EIPR1: variants seen among roughly 807,000 people sequenced by gnomAD.
The protein encoded by EIPR1 is EARP and GARP complex-interacting protein 1.
In EIPR1, 25 loss-of-function variants were observed where a neutral mutation model predicts 48.1. The ratio of observed to expected loss-of-function variants is 0.52; its 90% CI spans 0.38 to 0.73. The LOEUF is 0.73. Among genes scored for constraint, EIPR1 ranks in the 30% least tolerant of loss-of-function variants. The pLI, the probability that EIPR1 is intolerant of heterozygous loss-of-function variation, is 0.00. For synonymous variants in EIPR1, 204 were observed against 201.9 expected (o/e 1.01, Z -0.09); for missense variants, 415 against 506.2 (o/e 0.82, Z 1.73).
intron 3 of EIPR1, among the ~76,000 whole-genome samples, chr2:3,306,452 G>A (rs1668947552): frequency 6.6e-6 from 1 of 152,166 alleles, no homozygotes; most frequent in African/African-American, 2.4e-5. Flanking sequence ...ACAACACACA[G>A]TTTAGGGGCA....
intron 3 of EIPR1, among the ~76,000 whole-genome samples, chr2:3,295,451 C>A (rs1668534457): frequency 7.2e-6 from 1 of 138,350 alleles, no homozygotes; most frequent in African/African-American, 2.7e-5. Context: ...ACCCTCCATC[C>A]AGCCCATCCT....
chr2:3,301,461 G>T (rs1668760161), intron 3 of EIPR1: 1 of 151,976 alleles, frequency 6.6e-6, no homozygotes, highest in Non-Finnish European at 1.5e-5. Context: ...CCCTGTGCCT[G>T]CCAGGGGACA....
rs11692126 is a variant in EIPR1 at position 3,331,196 on chromosome 2, G to A, written c.259+6821C>T. Among the ~76,000 whole-genome samples the A allele has an allele frequency of 9.4e-3, 897 of 95,814 alleles. 249 individuals are homozygous for A. Among genetic ancestry groups the A allele is most frequent in the African/African-American group, 0.055 (862 of 15,634 alleles). 62.9% of individuals were successfully genotyped at this position (95,814 alleles called of 152,430 possible). On this transcript the variant is annotated intron_variant, in intron 3 of 8. Coordinates refer to ENST00000382125, the MANE Select transcript of EIPR1 (RefSeq NM_003310.5). ...AGGCAGGTGTACACTCATATGGTGT[G>A]AGCAGAGGCAGGTGTGTATACACTC...
At chr2:3,262,560 C>A (rs1667366455) in intron 3 of EIPR1, among the ~76,000 whole-genome samples, 1 of 152,220 alleles carries the variant, frequency 6.6e-6, no homozygotes, top group Non-Finnish European at 1.5e-5. Context: ...GCCAAGAGGG[C>A]ACTACAGCAA....
In EIPR1 at chr2:3,329,277, C is replaced by T. The variant is rs71279310; in HGVS notation, c.259+8740G>A. Among the ~76,000 whole-genome samples the T allele has an allele frequency of 3.0e-3, 371 of 124,494 alleles. 12 individuals carry two copies. Among genetic ancestry groups the T allele is most frequent in the Middle Eastern group, 4.4e-3 (1 of 226 alleles). 81.7% of individuals were successfully genotyped at this position (124,494 alleles called of 152,430 possible). On this transcript the variant is annotated intron_variant, in intron 3 of 8. Transcript: ENST00000382125. ...GCTCCCCTGGATCAGACTCTACCCACCACACTCTAATGATCTCAGGGCACC... is the reference window on the plus strand; with the variant it reads ...GCTCCCCTGGATCAGACTCTACCCATCACACTCTAATGATCTCAGGGCACC...
intron 4 of EIPR1, among the ~76,000 whole-genome samples, chr2:3,233,776 G>C (rs1438082246): frequency 1.3e-5 from 2 of 152,152 alleles, no homozygotes; most frequent in Non-Finnish European, 2.9e-5. Flanking sequence ...GTTCCATCTG[G>C]GTAAAATGTC....
At chr2:3,214,083 AGTGAGAACATGC>A in intron 5 of EIPR1, 54 bp downstream of exon 5, 5 of 1,435,270 alleles carry the variant, frequency 3.5e-6, no homozygotes, top group African/African-American at 1.4e-5. Flanking sequence ...CCCACCTATG[AGTGAGAACATGC>A]GGGGTTTGGT....
At chr2:3,270,519 C>A (rs1382797533) in intron 3 of EIPR1, among the ~76,000 whole-genome samples, 1 of 152,182 alleles carries the variant, frequency 6.6e-6, no homozygotes, top group Non-Finnish European at 1.5e-5. Flanking sequence ...TGGTTCTAGA[C>A]CACCACAATA....
At chr2:3,308,768 C>G (rs1304762023) in intron 3 of EIPR1, among the ~76,000 whole-genome samples, 1 of 152,204 alleles carries the variant, frequency 6.6e-6, no homozygotes, top group Non-Finnish European at 1.5e-5. Flanking sequence ...AGCCTCTGCT[C>G]TTCATTCAAA....
intron 3 of EIPR1, among the ~76,000 whole-genome samples, chr2:3,328,913 C>T (rs1669790143): frequency 6.8e-6 from 1 of 147,496 alleles, no homozygotes; most frequent in Non-Finnish European, 1.5e-5. Flanking sequence ...GCCTGGGCTC[C>T]CCTGAATCAG....
intron 5 of EIPR1, among the ~76,000 whole-genome samples, chr2:3,206,636 A>G (rs1167068671): frequency 6.6e-6 from 1 of 152,234 alleles, no homozygotes; most frequent in African/African-American, 2.4e-5. Context: ...TTTGCTACAC[A>G]AAAATCTAAG....
chr2:3,309,021 G>A (rs1438075290), intron 3 of EIPR1, among the ~76,000 whole-genome samples: 1 of 152,042 alleles, frequency 6.6e-6, no homozygotes, highest in Non-Finnish European at 1.5e-5. Context: ...AAATTATAAT[G>A]AAAAAAGGCT....
intron 3 of EIPR1, among the ~76,000 whole-genome samples, chr2:3,276,778 T>G (rs1033691157): frequency 1.3e-5 from 2 of 152,252 alleles, no homozygotes; most frequent in Non-Finnish European, 2.9e-5. Flanking sequence ...GTGCACTGGG[T>G]TCACAGTTTT....
chr2:3,254,813 C>A (rs1362363083), intron 4 of EIPR1, among the ~76,000 whole-genome samples: 6 of 152,176 alleles, frequency 3.9e-5, no homozygotes, highest in Admixed American at 3.9e-4. Flanking sequence ...CCCACACACA[C>A]AATAAATGGC....
At chr2:3,356,800 G>C (rs920607667) in intron 1 of EIPR1, among the ~76,000 whole-genome samples, 1 of 152,118 alleles carries the variant, frequency 6.6e-6, no homozygotes, top group Non-Finnish European at 1.5e-5. Flanking sequence ...AGGAGAACAG[G>C]GTCTGGAGGC....
intron 3 of EIPR1, among the ~76,000 whole-genome samples, chr2:3,327,150 A>G (rs1434303515): frequency 1.3e-5 from 2 of 152,214 alleles, no homozygotes; most frequent in African/African-American, 4.8e-5. Flanking sequence ...CGGGGCCTTC[A>G]GGAGGCGGTG....
chr2:3,319,927 A>T (rs1669463394), intron 3 of EIPR1: 1 of 138,622 alleles, frequency 7.2e-6, no homozygotes, highest in African/African-American at 3.1e-5. Flanking sequence ...TGGGCAGGGC[A>T]ATACTGCACC....
At chr2:3,276,219 G>GA (rs1256083587) in intron 3 of EIPR1, among the ~76,000 whole-genome samples, 14 of 152,138 alleles carry the variant, frequency 9.2e-5, no homozygotes, top group Admixed American at 9.2e-4. Context: ...CTTCCTTGCT[G>GA]TTGCAAATGC....
intron 5 of EIPR1, among the ~76,000 whole-genome samples, chr2:3,204,638 T>C (rs1399851595): frequency 6.6e-6 from 1 of 152,216 alleles, no homozygotes; most frequent in Non-Finnish European, 1.5e-5. Context: ...AACAAAAGAA[T>C]ACACCTCCTA....
Sources: allele counts gnomAD v4.1 joint callset (sites outside exome capture counted in the v4.1 genomes callset), GRCh38; gene constraint gnomAD v4.1.1; transcripts MANE v1.5; gene names NCBI Gene and HGNC (gene_info 2026-07-23, HGNC 2026-07-21).